Variants in FRMD6 observed in about 807,000 individuals in gnomAD.
The protein encoded by FRMD6 is FERM domain-containing protein 6.
FRMD6 carries 37 observed loss-of-function variants against 73.2 expected under a neutral mutation model. That is an observed-to-expected ratio of 0.51 (90% CI 0.39 to 0.66). FRMD6 has a LOEUF of 0.66. FRMD6 is among the 30% of genes least tolerant of loss of function. The pLI is 0.00. For synonymous variants in FRMD6, 273 were observed against 282.2 expected (o/e 0.97, Z 0.33); for missense variants, 714 against 780.5 (o/e 0.91, Z 1.02).
chr14:51,542,505 C>T lies in FRMD6; in HGVS notation c.-209-27843C>T, dbSNP rs1255001904. 2.0e-5 allele frequency among the ~76,000 whole-genome samples: 3 copies of T among 151,986 alleles called. No homozygotes were observed. In the South Asian group the frequency reaches 6.2e-4, roughly 32 times the overall value. Reference sequence around the variant, plus strand: ...GAATAATATTCCATAGTATGATATGCCACATTTTCCTTATTCAGTAATTTG... The same window carrying T: ...GAATAATATTCCATAGTATGATATGTCACATTTTCCTTATTCAGTAATTTG... On this transcript the variant is annotated intron_variant, in intron 1 of 14. Transcript: ENST00000356218.
At chr14:51,500,303 C>T (rs530919852) in intron 1 of FRMD6, among the ~76,000 whole-genome samples, 2 of 151,940 alleles carry the variant, frequency 1.3e-5, no homozygotes, top group East Asian at 1.9e-4. Context: ...CCAAGGTGGG[C>T]GGATCATGAG....
intron 2 of FRMD6, among the ~76,000 whole-genome samples, chr14:51,594,683 G>A (rs1273376207): frequency 6.6e-6 from 1 of 151,796 alleles, no homozygotes; most frequent in Non-Finnish European, 1.5e-5. Context: ...GGCTGGTCTA[G>A]AACTCTTGAC....
the FRMD6 span, among the ~76,000 whole-genome samples, chr14:51,480,086 C>A: frequency 2.0e-5 from 3 of 152,072 alleles, no homozygotes; most frequent in African/African-American, 7.2e-5. Context: ...CAGGGAGGCC[C>A]CAAGAGAAGG....
rs552555464 is a variant in FRMD6 at position 51,503,430 on chromosome 14, C to T, written c.-210+14010C>T. 1.1e-4 allele frequency among the ~76,000 whole-genome samples: 16 copies of T among 152,204 alleles called. No individual in the cohort carries two copies. In the South Asian group the frequency reaches 3.1e-3, roughly 30 times the overall value. ...AAGGGATGTTGAATTTTATCAAATG[C>T]CTTTTCTATTAGGTGCCTATTCTAA... is the stretch of plus-strand genomic sequence containing the variant. On this transcript the variant is annotated intron_variant, in intron 1 of 14. Transcript: ENST00000356218.
intron 1 of FRMD6, among the ~76,000 whole-genome samples, chr14:51,553,235 G>A (rs1886939240): frequency 6.6e-6 from 1 of 152,280 alleles, no homozygotes; most frequent in African/African-American, 2.4e-5. Flanking sequence ...CAAGTGATGG[G>A]AAATGTGATT....
At chr14:51,419,189 C>T in the FRMD6 span, among the ~76,000 whole-genome samples, 1 of 152,236 alleles carries the variant, frequency 6.6e-6, no homozygotes, top group South Asian at 2.1e-4. Flanking sequence ...GCTGTGCCCA[C>T]TGTCCAACCA....
At position 51,720,042 on chromosome 14, in the gene FRMD6, C is replaced by T; in HGVS notation, c.1025-13C>T. Reference sequence around the variant, plus strand: ...TCTGTCTTGGTTAATGAACTGTGTTCCCCACCACGTAGAGAAGAAGCAGTA... The same window carrying T: ...TCTGTCTTGGTTAATGAACTGTGTTTCCCACCACGTAGAGAAGAAGCAGTA... On this transcript the variant is annotated splice_polypyrimidine_tract_variant and intron_variant, in intron 10 of 13. Transcript: ENST00000344768. 3 of 1,596,752 alleles carry T rather than the reference C, an allele frequency of 1.9e-6. No homozygotes were observed. The highest frequency in any genetic ancestry group is 2.6e-6 in the Non-Finnish European group (3 of 1,169,352).
chr14:51,502,743 T>G (rs1883694900), intron 1 of FRMD6, among the ~76,000 whole-genome samples: 1 of 152,190 alleles, frequency 6.6e-6, no homozygotes. Context: ...AGAATGTCAA[T>G]GGTAGCTTAA....
At chr14:51,419,205 C>T in the FRMD6 span, among the ~76,000 whole-genome samples, 9 of 152,318 alleles carry the variant, frequency 5.9e-5, no homozygotes, top group East Asian at 1.9e-4. Context: ...AACCAGTCCC[C>T]GTGAGACGAA....
chr14:51,502,186 GA>G (rs1883665107), intron 1 of FRMD6, among the ~76,000 whole-genome samples: 1 of 152,164 alleles, frequency 6.6e-6, no homozygotes, highest in African/African-American at 2.4e-5. Context: ...TTGCTGTACA[GA>G]AGCTCTTTAG....
chr14:51,556,978 T>C (rs1232915701), intron 1 of FRMD6, among the ~76,000 whole-genome samples: 1 of 152,174 alleles, frequency 6.6e-6, no homozygotes. Flanking sequence ...CTTATCACGA[T>C]GCTTTGCAGG....
the FRMD6 span, among the ~76,000 whole-genome samples, chr14:51,417,346 G>C: frequency 6.6e-6 from 1 of 152,130 alleles, no homozygotes; most frequent in Non-Finnish European, 1.5e-5. Context: ...GGGCAGGCGT[G>C]GTGGTGACAA....
the FRMD6 span, among the ~76,000 whole-genome samples, chr14:51,462,320 T>C: frequency 6.6e-6 from 1 of 152,326 alleles, no homozygotes; most frequent in South Asian, 2.1e-4. Context: ...CTCGGGGGGT[T>C]GTGAATACAA....
the FRMD6 span, chr14:51,454,369 C>T: frequency 6.6e-6 from 1 of 152,174 alleles, no homozygotes; most frequent in South Asian, 2.1e-4. Context: ...CAGTGTCAAC[C>T]ACAGTTAACA....
At chr14:51,601,418 C>CCTT (rs1890031770) in intron 2 of FRMD6, among the ~76,000 whole-genome samples, 1 of 152,040 alleles carries the variant, frequency 6.6e-6, no homozygotes, top group Non-Finnish European at 1.5e-5. Flanking sequence ...TGAGAGGATA[C>CCTT]CTTTGCAGGA....
At chr14:51,417,137 A>G in the FRMD6 span, among the ~76,000 whole-genome samples, 33,052 of 152,048 alleles carry the variant, frequency 0.22, 4,228 homozygotes, top group East Asian at 0.5. Flanking sequence ...TAATTGAGGC[A>G]TTTAGCCCAT....
chr14:51,426,252 A>T, the FRMD6 span, among the ~76,000 whole-genome samples: 13,029 of 152,108 alleles, frequency 0.086, 592 homozygotes, highest in East Asian at 0.12. Flanking sequence ...CAATCAAGAT[A>T]TCCTGATTGT....
intron 1 of FRMD6, among the ~76,000 whole-genome samples, chr14:51,515,407 A>G (rs1225508004): frequency 6.6e-6 from 1 of 152,176 alleles, no homozygotes; most frequent in Admixed American, 6.5e-5. Flanking sequence ...CCTGAACGTC[A>G]GTATATCTGC....
At chr14:51,723,759 A>G (rs1325559654) in intron 12 of FRMD6, among the ~76,000 whole-genome samples, 1 of 144,666 alleles carries the variant, frequency 6.9e-6, no homozygotes, top group Non-Finnish European at 1.5e-5. Flanking sequence ...TGGGCAAAAG[A>G]GTGAGACTCT....
Sources: gnomAD v4.1 joint callset for allele counts (sites outside exome capture counted in the v4.1 genomes callset) on GRCh38, gnomAD v4.1.1 for gene constraint, MANE v1.5 for transcripts, NCBI Gene and HGNC (gene_info 2026-07-23, HGNC 2026-07-21) for gene names.